The following ACTL8 variants were observed in gnomAD, a reference collection of about 807,000 sequenced individuals.
ACTL8 encodes actin-like protein 8.
ACTL8 carries 3 observed loss-of-function variants against 9.3 expected under a neutral mutation model. That is an observed-to-expected ratio of 0.32 (90% confidence interval 0.15 to 0.83). ACTL8 has a LOEUF of 0.83. Ranked by LOEUF, ACTL8 falls within the 40% of genes least tolerant of loss-of-function variation. The probability of loss-of-function intolerance (pLI) is 0.57; values close to 1 mark genes in which losing one functional copy is unlikely to be tolerated. For synonymous variants in ACTL8, 224 were observed against 205.9 expected (o/e 1.09, Z -0.75); for missense variants, 381 against 492.2 (o/e 0.77, Z 2.14).
At chr1:17,772,788 G>A (rs10888060) in intron 1 of ACTL8, among the ~76,000 whole-genome samples, 48,480 of 151,880 alleles carry the variant, frequency 0.32, 7,914 homozygotes, top group Admixed American at 0.39. Flanking sequence ...ACCCAGAGGG[G>A]TGTTTCTGGG....
chr1:17,813,297 G>A (rs1206560885), intron 1 of ACTL8, among the ~76,000 whole-genome samples: 2 of 152,120 alleles, frequency 1.3e-5, no homozygotes, highest in South Asian at 2.1e-4. Context: ...TCTTTATTAG[G>A]ATAAGGAAAG....
intron 1 of ACTL8, among the ~76,000 whole-genome samples, chr1:17,787,855 T>TC: frequency 6.6e-6 from 1 of 152,356 alleles, no homozygotes; most frequent in African/African-American, 2.4e-5. Flanking sequence ...CTGTAATACT[T>TC]CACATTTACC....
chr1:17,793,415 C>A (rs192798341), intron 1 of ACTL8, among the ~76,000 whole-genome samples: 89 of 152,312 alleles, frequency 5.8e-4, no homozygotes, highest in African/African-American at 2.0e-3. Flanking sequence ...TGGGTAAAAC[C>A]AGGATATGGT....
rs199779506 is a variant in ACTL8 at position 17,783,363 on chromosome 1, TTA to T, written c.-25+27860_-25+27861del. Reference sequence around the variant, plus strand: ...TTTTTTTTTGTTTTGTTTTTTTTTTTTAAAAAAACTCCAGGGCCTGTGACCCT... The same window carrying T: ...TTTTTTTTTGTTTTGTTTTTTTTTTTAAAAAACTCCAGGGCCTGTGACCCT... On this transcript the variant is annotated intron_variant, in intron 1 of 2. Coordinates refer to ENST00000375406, the MANE Select transcript of ACTL8 (RefSeq NM_030812.3). Among the ~76,000 whole-genome samples the T allele has an allele frequency of 1.3e-3, 162 of 123,496 alleles. 1 individual carries two copies. Among genetic ancestry groups the T allele is most frequent in the African/African-American group, 4.5e-3 (131 of 28,828 alleles). The allele number at this position is 123,496 out of a possible 152,430, so 81.0% of individuals were successfully genotyped here.
intron 1 of ACTL8, among the ~76,000 whole-genome samples, chr1:17,797,699 C>A (rs2066287811): frequency 6.6e-6 from 1 of 152,216 alleles, no homozygotes; most frequent in Non-Finnish European, 1.5e-5. Flanking sequence ...TGGCAGCTTC[C>A]TGTACTTGCT....
intron 2 of ACTL8, among the ~76,000 whole-genome samples, chr1:17,825,037 A>G (rs1036553622): frequency 2.9e-5 from 4 of 136,964 alleles, no homozygotes; most frequent in Non-Finnish European, 6.1e-5. Context: ...CTTCTATGGG[A>G]TTAGAACCTT....
At chr1:17,804,606 C>CTT (rs113004484) in intron 1 of ACTL8, among the ~76,000 whole-genome samples, 2 of 144,526 alleles carry the variant, frequency 1.4e-5, no homozygotes, top group Non-Finnish European at 1.5e-5. Context: ...TTGTCCCCAT[C>CTT]TTTTTTTTTT....
chr1:17,811,870 CTTTT>C (rs200104295), intron 1 of ACTL8, among the ~76,000 whole-genome samples: 2 of 139,560 alleles, frequency 1.4e-5, no homozygotes. Context: ...GGTTTTCTGT[CTTTT>C]TTTTTTTTTT....
At chr1:17,764,287 C>T (rs1246118297) in intron 1 of ACTL8, among the ~76,000 whole-genome samples, 1 of 152,160 alleles carries the variant, frequency 6.6e-6, no homozygotes, top group Admixed American at 6.5e-5. Context: ...GTCATCCTGC[C>T]TCAAATGTCA....
Position 17,767,127 on chromosome 1 carries a change from A to T in ACTL8, c.-25+11623A>T, listed in dbSNP as rs1459686703. ...GGGGGAAGCAGACACCTGAGGGGGA[A>T]GCGAGACGGGTGAGCATCATGAAGA... On this transcript the variant is annotated intron_variant, in intron 1 of 2. Coordinates refer to ENST00000375406, the MANE Select transcript of ACTL8 (RefSeq NM_030812.3). This position sits in a 1 kb window ranked among gnomAD's most constrained non-coding sequence, Gnocchi z 4.7. Among the ~76,000 whole-genome samples the T allele has an allele frequency of 6.6e-6, 1 of 152,182 alleles. No homozygotes were observed. The highest frequency in any genetic ancestry group is 1.9e-4 in the East Asian group (1 of 5,174).
At chr1:17,813,745 C>T (rs2066407907) in intron 1 of ACTL8, among the ~76,000 whole-genome samples, 1 of 152,098 alleles carries the variant, frequency 6.6e-6, no homozygotes, top group South Asian at 2.1e-4. Flanking sequence ...ACCGTTTAGA[C>T]CTAGAGTATT....
At chr1:17,806,759 C>T (rs953873408) in intron 1 of ACTL8, among the ~76,000 whole-genome samples, 2 of 152,232 alleles carry the variant, frequency 1.3e-5, no homozygotes, top group African/African-American at 2.4e-5. Flanking sequence ...CAGAGCCCTG[C>T]GACCTGCTGC....
intron 1 of ACTL8, among the ~76,000 whole-genome samples, chr1:17,768,859 T>G (rs1185219530): frequency 6.6e-6 from 1 of 152,100 alleles, no homozygotes; most frequent in Non-Finnish European, 1.5e-5. Flanking sequence ...GACACCAGGC[T>G]GAGGAGTGTA....
chr1:17,757,090 G>A (rs575542668), intron 1 of ACTL8, among the ~76,000 whole-genome samples: 2 of 152,232 alleles, frequency 1.3e-5, no homozygotes, highest in Non-Finnish European at 2.9e-5. Context: ...TGATTGCACC[G>A]CTGCACTGTA....
At chr1:17,822,789 G>A (rs914031545) in intron 1 of ACTL8, among the ~76,000 whole-genome samples, 196 bp from the exon 2 acceptor site, 110 of 152,146 alleles carry the variant, frequency 7.2e-4, no homozygotes, top group African/African-American at 2.6e-3. Context: ...GGCCCATTAA[G>A]GGAGCCTGGT....
chr1:17,804,980 C>G (rs2102694796), intron 1 of ACTL8, among the ~76,000 whole-genome samples: 1 of 152,218 alleles, frequency 6.6e-6, no homozygotes, highest in South Asian at 2.1e-4. Flanking sequence ...ACAGACGGGA[C>G]CCACCTCCTC....
At chr1:17,769,312 C>T (rs1486858114) in intron 1 of ACTL8, among the ~76,000 whole-genome samples, 1 of 152,078 alleles carries the variant, frequency 6.6e-6, no homozygotes, top group Non-Finnish European at 1.5e-5. Context: ...GAGACTTTCT[C>T]CTTGTCACTG....
intron 1 of ACTL8, among the ~76,000 whole-genome samples, chr1:17,811,968 C>A (rs1252011101): frequency 1.3e-5 from 2 of 151,588 alleles, no homozygotes; most frequent in South Asian, 2.1e-4. Context: ...CCTGGCTTGG[C>A]CTCCCAAGTA....
chr1:17,800,181 T>C (rs965482839), intron 1 of ACTL8, among the ~76,000 whole-genome samples: 1 of 152,252 alleles, frequency 6.6e-6, no homozygotes, highest in African/African-American at 2.4e-5. Flanking sequence ...GGAGTTAACA[T>C]GTGACTAATG....
Sources: allele counts gnomAD v4.1 joint callset (sites outside exome capture counted in the v4.1 genomes callset), GRCh38; gene constraint gnomAD v4.1.1; non-coding constraint Gnocchi (gnomAD v3.1); transcripts MANE v1.5; gene names NCBI Gene and HGNC (gene_info 2026-07-23, HGNC 2026-07-21).